Variants in LRP1B observed in about 807,000 individuals in gnomAD.
LRP1B encodes the protein LDL receptor related protein 1B, also known as low-density lipoprotein receptor-related protein 1B.
A neutral mutation model predicts 556.6 loss-of-function variants in LRP1B; 217 were observed. That is an observed-to-expected ratio of 0.39 (90% confidence interval 0.35 to 0.44). The LOEUF is 0.44. Among genes scored for constraint, LRP1B ranks in the 20% least tolerant of loss-of-function variants. LRP1B has a pLI of 1.00. For missense variants in LRP1B, 5,053 were observed against 5,620.8 expected (o/e 0.90, Z 3.23); for synonymous variants, 2,047 against 1,865.8 (o/e 1.10, Z -2.50).
At chr2:142,014,792 G>A (rs1272266778) in intron 1 of LRP1B, among the ~76,000 whole-genome samples, 1 of 152,094 alleles carries the variant, frequency 6.6e-6, no homozygotes, top group East Asian at 1.9e-4. Flanking sequence ...GGATGGCAGA[G>A]AAAATACATG....
chr2:141,418,952 T>C (rs573950777), intron 3 of LRP1B, among the ~76,000 whole-genome samples: 4 of 152,180 alleles, frequency 2.6e-5, no homozygotes, highest in South Asian at 4.1e-4. Flanking sequence ...TCCTAAGTAT[T>C]ATATTATTTT....
intron 2 of LRP1B, among the ~76,000 whole-genome samples, chr2:141,741,172 T>TAA (rs1314728413): frequency 1.3e-5 from 2 of 151,816 alleles, no homozygotes; most frequent in African/African-American, 4.8e-5. Context: ...CATCTGTTGA[T>TAA]GGACACTGAG....
At chr2:141,154,989 T>C (rs1056623155) in intron 7 of LRP1B, among the ~76,000 whole-genome samples, 1 of 151,970 alleles carries the variant, frequency 6.6e-6, no homozygotes, top group African/African-American at 2.4e-5. Context: ...ATAAATGTTC[T>C]GTACATTACT....
intron 23 of LRP1B, chr2:140,898,289 C>T (rs1383761375): frequency 1.3e-5 from 2 of 153,166 alleles, no homozygotes; most frequent in Non-Finnish European, 2.9e-5. Flanking sequence ...TTCTGTGTCA[C>T]ATAAAACTAT....
chr2:140,775,467 ATTT>A (rs61535948), intron 33 of LRP1B, among the ~76,000 whole-genome samples: 33,449 of 110,646 alleles, frequency 0.3, 4,371 homozygotes, highest in East Asian at 0.35. Context: ...TTTTTGGTTG[ATTT>A]TTTTTTTTTT....
chr2:141,165,701 G>A (rs1387750125), intron 7 of LRP1B, among the ~76,000 whole-genome samples: 1 of 151,952 alleles, frequency 6.6e-6, no homozygotes. Flanking sequence ...CAATAGCAAA[G>A]AGGAAAACAA....
intron 41 of LRP1B, among the ~76,000 whole-genome samples, chr2:140,629,960 A>G (rs1237120698): frequency 6.6e-6 from 1 of 152,262 alleles, no homozygotes; most frequent in Non-Finnish European, 1.5e-5. Flanking sequence ...CCACAGAAAT[A>G]TGGATGATTT....
intron 35 of LRP1B, among the ~76,000 whole-genome samples, chr2:140,761,963 T>G (rs1039806307): frequency 1.4e-5 from 2 of 143,278 alleles, no homozygotes; most frequent in Non-Finnish European, 3.0e-5. Flanking sequence ...ACAATCATAA[T>G]GATGATAACT....
At chr2:140,502,342 T>C (rs944280968) in intron 54 of LRP1B, among the ~76,000 whole-genome samples, 6 of 151,960 alleles carry the variant, frequency 3.9e-5, no homozygotes, top group Non-Finnish European at 8.8e-5. Flanking sequence ...AAAACAGATA[T>C]CAGTGGTGAA....
At chr2:141,527,539 C>G (rs1306773632) in intron 2 of LRP1B, among the ~76,000 whole-genome samples, 2 of 151,980 alleles carry the variant, frequency 1.3e-5, no homozygotes, top group African/African-American at 4.8e-5. Flanking sequence ...CTATTTTTCA[C>G]CTATACAAAT....
At chr2:140,857,202 T>A (rs1276369492) in intron 27 of LRP1B, among the ~76,000 whole-genome samples, 1 of 152,196 alleles carries the variant, frequency 6.6e-6, no homozygotes. Flanking sequence ...AATATGTATA[T>A]TTGTTTACCT....
chr2:140,705,877 T>C (rs944711767), intron 37 of LRP1B, among the ~76,000 whole-genome samples: 1 of 152,118 alleles, frequency 6.6e-6, no homozygotes, highest in Admixed American at 6.6e-5. Flanking sequence ...TAAAAGGTTT[T>C]AATCCTATCA....
intron 3 of LRP1B, among the ~76,000 whole-genome samples, chr2:141,358,611 T>C (rs1407822199): frequency 3.3e-5 from 5 of 152,258 alleles, no homozygotes; most frequent in Non-Finnish European, 7.3e-5. Context: ...GGCTGCCAAG[T>C]TAATTTCTAT....
chr2:141,128,807 C>A, intron 7 of LRP1B, among the ~76,000 whole-genome samples: 1 of 151,972 alleles, frequency 6.6e-6, no homozygotes, highest in East Asian at 1.9e-4. Flanking sequence ...GATTGTTTAA[C>A]AAAATTGTAA....
intron 2 of LRP1B, among the ~76,000 whole-genome samples, chr2:141,684,929 T>C (rs1424427495): frequency 6.6e-6 from 1 of 152,012 alleles, no homozygotes; most frequent in Non-Finnish European, 1.5e-5. Context: ...CAAGCATACC[T>C]ATCTTTCAAG....
intron 66 of LRP1B, among the ~76,000 whole-genome samples, chr2:140,396,623 G>A (rs1275847950): frequency 6.6e-6 from 1 of 152,096 alleles, no homozygotes; most frequent in Non-Finnish European, 1.5e-5. Context: ...TTAATATCTG[G>A]TAAAACAAAT....
chr2:141,036,535 T>C (rs1698537187), intron 11 of LRP1B, among the ~76,000 whole-genome samples: 1 of 151,942 alleles, frequency 6.6e-6, no homozygotes, highest in African/African-American at 2.4e-5. Flanking sequence ...TACAAACAAA[T>C]AATCTGCCTC....
intron 3 of LRP1B, among the ~76,000 whole-genome samples, chr2:141,476,320 A>G (rs933172420): frequency 3.3e-5 from 5 of 152,172 alleles, no homozygotes; most frequent in African/African-American, 1.2e-4. Context: ...TATTTGTCAA[A>G]GTTTTTCACT....
At chr2:141,157,398 A>T (rs1702094248) in intron 7 of LRP1B, among the ~76,000 whole-genome samples, 1 of 152,164 alleles carries the variant, frequency 6.6e-6, no homozygotes, top group Admixed American at 6.6e-5. Flanking sequence ...GCTAAAAGGC[A>T]CTTTGGAGAA....
Sources: gnomAD v4.1 joint callset for allele counts (sites outside exome capture counted in the v4.1 genomes callset) on GRCh38, gnomAD v4.1.1 for gene constraint, MANE v1.5 for transcripts, NCBI Gene and HGNC (gene_info 2026-07-23, HGNC 2026-07-21) for gene names.